Variants in BICD2 observed in about 807,000 individuals in gnomAD.
BICD2 encodes protein bicaudal D homolog 2.
BICD2 carries 25 observed loss-of-function variants against 72.9 expected under a neutral mutation model. That is an observed-to-expected ratio of 0.34 (90% CI 0.25 to 0.48). The LOEUF (loss-of-function observed/expected upper bound fraction) is 0.48, where lower values mean the gene tolerates loss of function less well. Ranked by LOEUF, BICD2 falls within the 20% of genes least tolerant of loss-of-function variation. The pLI, the probability that BICD2 is intolerant of heterozygous loss-of-function variation, is 0.99. For missense variants in BICD2, 894 were observed against 1,175.2 expected, an observed-to-expected ratio of 0.76 and a Z score of 3.50; for synonymous variants, 501 against 516.1, an observed-to-expected ratio of 0.97 and a Z score of 0.40.
Position 92,715,100 on chromosome 9 carries a change from G to C in BICD2, c.*54C>G, listed in dbSNP as rs1853274805. The C allele has an allele frequency of 6.5e-7, 1 of 1,528,544 alleles. No individual in the cohort carries two copies. Among genetic ancestry groups the C allele is most frequent in the East Asian group, 2.3e-5 (1 of 43,774 alleles). 94.7% of individuals were successfully genotyped at this position (1,528,544 alleles called of 1,614,324 possible). A position where few individuals can be genotyped will look rare whatever the true frequency, so the allele number is the denominator to read the frequency against. Reference sequence around the variant, plus strand: ...CTAGCACCGCCGTCCCGCTGCTGCTGGGTTAGTTGAGGTGAAGCAGATGTT... The same window carrying C: ...CTAGCACCGCCGTCCCGCTGCTGCTCGGTTAGTTGAGGTGAAGCAGATGTT... On this transcript the variant is annotated 3_prime_UTR_variant, in exon 7 of 7. Transcript: ENST00000356884.
At chr9:92,751,336 A>T (rs151148300) in intron 1 of BICD2, among the ~76,000 whole-genome samples, 1 of 152,056 alleles carries the variant, frequency 6.6e-6, no homozygotes, top group African/African-American at 2.4e-5. Context: ...TTTTTAGTAG[A>T]GACGGGTTTT....
chr9:92,737,840 C>T (rs191171414), intron 1 of BICD2, among the ~76,000 whole-genome samples: 1 of 152,256 alleles, frequency 6.6e-6, no homozygotes, highest in East Asian at 1.9e-4. Flanking sequence ...GTGATCAGAG[C>T]CTGGGAGGAT....
chr9:92,715,378 G>A lies in BICD2; in HGVS notation c.2344C>T (p.Leu782=). ...AGCTTCTGCTGGATGGCCATGCGCA[G>A]CAGCGAGTTCAGCGTCTTCTTCTCG... is the stretch of plus-strand genomic sequence containing the variant. ...EDEKKTLNSL[L]RMAIQQKLAL... is the part of the protein sequence containing the mutation. Residue 782 remains leucine (L), a synonymous_variant, in exon 7 of 7, where the codon CTG becomes TTG. Transcript: ENST00000356884. 6.2e-7 allele frequency: 1 copy of A among 1,612,232 alleles called. No individual in the cohort carries two copies. Among genetic ancestry groups the A allele is most frequent in the Non-Finnish European group, 8.5e-7 (1 of 1,179,014 alleles).
At chr9:92,753,219 A>T (rs1413749555) in intron 1 of BICD2, among the ~76,000 whole-genome samples, 1 of 152,250 alleles carries the variant, frequency 6.6e-6, no homozygotes, top group African/African-American at 2.4e-5. Flanking sequence ...AGGTCTGAGA[A>T]ACTGTCACAG....
rs767438711 is a variant in BICD2 at position 92,724,539 on chromosome 9, A to AAAGAAACAGAGATACCAC, written c.454-1749_454-1732dup. Among the ~76,000 whole-genome samples, 345 of 152,370 alleles carry AAAGAAACAGAGATACCAC rather than the reference A, an allele frequency of 2.3e-3. 1 individual carries two copies. The highest frequency in any genetic ancestry group is 3.7e-3 in the Non-Finnish European group (252 of 68,034). ...AGGAAGTGACAGAAAGCTGACACCA[A>AAAGAAACAGAGATACCAC]AAGAAACAGAGATACCACACAGGGA... On this transcript the variant is annotated intron_variant, in intron 2 of 6. Coordinates refer to ENST00000356884, the MANE Select transcript of BICD2 (RefSeq NM_001003800.2).
chr9:92,733,966 TA>T (rs35019242), intron 1 of BICD2, among the ~76,000 whole-genome samples: 171 of 139,798 alleles, frequency 1.2e-3, no homozygotes, highest in South Asian at 2.4e-3. Flanking sequence ...GACTCCGTCT[TA>T]AAAAAAAAAA....
chr9:92,739,207 G>T (rs1277678991), intron 1 of BICD2, among the ~76,000 whole-genome samples: 1 of 152,196 alleles, frequency 6.6e-6, no homozygotes, highest in Non-Finnish European at 1.5e-5. Flanking sequence ...ACCCAGGCTT[G>T]TTGAAAAATC....
At chr9:92,738,732 C>A (rs572991304) in intron 1 of BICD2, among the ~76,000 whole-genome samples, 2 of 152,020 alleles carry the variant, frequency 1.3e-5, no homozygotes, top group African/African-American at 4.8e-5. Flanking sequence ...GGGAACCAGG[C>A]CTCCAGGCAG....
chr9:92,744,216 G>A (rs1184849978), intron 1 of BICD2, among the ~76,000 whole-genome samples: 2 of 152,204 alleles, frequency 1.3e-5, no homozygotes, highest in Non-Finnish European at 2.9e-5. Context: ...GTGGCAACGA[G>A]TGCCAATAAC....
intron 2 of BICD2, among the ~76,000 whole-genome samples, chr9:92,725,583 T>C (rs1853552808): frequency 6.6e-6 from 1 of 152,196 alleles, no homozygotes; most frequent in African/African-American, 2.4e-5. Context: ...GGGGACAAGC[T>C]CTGCTGCGTG....
In BICD2 at chr9:92,713,280, T is replaced by A. The variant is rs1853229016; in HGVS notation, c.*1874A>T. 1 of 713,110 alleles carries A rather than the reference T, an allele frequency of 1.4e-6. No individual in the cohort carries two copies. The highest frequency in any genetic ancestry group is 1.8e-5 in the African/African-American group (1 of 55,852). The allele number at this position is 713,110 out of a possible 1,614,324, so 44.2% of individuals were successfully genotyped here. A position where few individuals can be genotyped will look rare whatever the true frequency, so the allele number is the denominator to read the frequency against. On this transcript the variant is annotated 3_prime_UTR_variant, in exon 7 of 7. Transcript: ENST00000356884. ...GCATGCTCAACATTAAAGCTTTTTTTCCTCCCATTAAAAACCTGGGGAATG... is the reference window on the plus strand; with the variant it reads ...GCATGCTCAACATTAAAGCTTTTTTACCTCCCATTAAAAACCTGGGGAATG...
chr9:92,737,562 C>A (rs1025108035), intron 1 of BICD2, among the ~76,000 whole-genome samples: 1 of 152,124 alleles, frequency 6.6e-6, no homozygotes, highest in African/African-American at 2.4e-5. Flanking sequence ...CCCTCATCAC[C>A]CCAAATAGAG....
chr9:92,737,222 G>A (rs1853807048), intron 1 of BICD2, among the ~76,000 whole-genome samples: 1 of 152,180 alleles, frequency 6.6e-6, no homozygotes, highest in Admixed American at 6.5e-5. Context: ...TCACCAATCT[G>A]AGCTTAGTGC....
intron 1 of BICD2, among the ~76,000 whole-genome samples, chr9:92,736,292 TTA>T: frequency 6.6e-6 from 1 of 152,364 alleles, no homozygotes; most frequent in South Asian, 2.1e-4. Flanking sequence ...TCACTGCTCA[TTA>T]TATGCTAATT....
intron 1 of BICD2, among the ~76,000 whole-genome samples, chr9:92,759,330 G>A (rs1332277640): frequency 1.4e-5 from 2 of 146,676 alleles, no homozygotes; most frequent in African/African-American, 5.1e-5. Flanking sequence ...CATTTGTCCT[G>A]CGCCATCTAC....
intron 1 of BICD2, among the ~76,000 whole-genome samples, chr9:92,758,514 T>C (rs1251089853): frequency 7.2e-6 from 1 of 138,706 alleles, no homozygotes; most frequent in Non-Finnish European, 1.5e-5. Context: ...ATCGAGCTAC[T>C]GTACTCCAGC....
chr9:92,716,534 GCA>G (rs1227555161), intron 6 of BICD2, among the ~76,000 whole-genome samples: 12 of 147,998 alleles, frequency 8.1e-5, no homozygotes, highest in Admixed American at 4.8e-4. Context: ...CTATGTGCAT[GCA>G]GTTCCCACCC....
At chr9:92,724,546 C>CA (rs1399683022) in intron 2 of BICD2, among the ~76,000 whole-genome samples, 2 of 152,214 alleles carry the variant, frequency 1.3e-5, no homozygotes, top group East Asian at 3.8e-4. Flanking sequence ...CCAAAAGAAA[C>CA]AGAGATACCA....
intron 5 of BICD2, 143 bp from the exon 6 acceptor site, chr9:92,718,091 A>G: frequency 9.6e-7 from 1 of 1,039,140 alleles, no homozygotes; most frequent in South Asian, 1.5e-5. Context: ...CCTGTGACAA[A>G]CCCTGGGGAT....
Sources: gnomAD v4.1 joint callset for allele counts (sites outside exome capture counted in the v4.1 genomes callset) on GRCh38, gnomAD v4.1.1 for gene constraint, MANE v1.5 for transcripts, NCBI Gene and HGNC (gene_info 2026-07-23, HGNC 2026-07-21) for gene names.